HSP90AA1: variants seen among roughly 807,000 people sequenced by gnomAD.
The protein encoded by HSP90AA1 is heat shock protein HSP 90-alpha.
Under a neutral mutation model 73.3 loss-of-function variants are expected in HSP90AA1, and 18 were observed. The ratio of observed to expected loss-of-function variants is 0.25; its 90% CI spans 0.17 to 0.36. The LOEUF is 0.36. Ranked by LOEUF, HSP90AA1 falls within the 10% of genes least tolerant of loss-of-function variation. HSP90AA1 has a pLI of 1.00. For missense variants in HSP90AA1, 704 were observed against 874.2 expected (o/e 0.81, Z 2.45); for synonymous variants, 477 against 296.9 (o/e 1.61, Z -6.24).
chr14:102,134,682 G>A (rs1302510511), intron 1 of HSP90AA1, among the ~76,000 whole-genome samples: 1 of 152,140 alleles, frequency 6.6e-6, no homozygotes, highest in Non-Finnish European at 1.5e-5. Flanking sequence ...TGGGCTCGTG[G>A]TCTTGCTGGC....
At chr14:102,118,751 A>T (rs2049738583) in intron 1 of HSP90AA1, among the ~76,000 whole-genome samples, 1 of 151,142 alleles carries the variant, frequency 6.6e-6, no homozygotes, top group Non-Finnish European at 1.5e-5. Flanking sequence ...CAACAACTAC[A>T]TGTTTTGTTA....
rs904515470 is a variant in HSP90AA1, at chr14:102,082,059, C to T, written c.2089+52G>A. The T allele has an allele frequency of 1.2e-5, 15 of 1,242,278 alleles. No individual in the cohort carries two copies. In the Admixed American group the frequency reaches 2.4e-4, roughly 20 times the overall value. The allele number at this position is 1,242,278 out of a possible 1,614,324, so 77.0% of individuals were successfully genotyped here. A position where few individuals can be genotyped will look rare whatever the true frequency, so the allele number is the denominator to read the frequency against. ...ATAACTGAAAGTTCACCATTTTCTT[C>T]AATGTCACGTGTGTTTATTTTCTTT... is the stretch of plus-strand genomic sequence containing the variant. On this transcript the variant is annotated intron_variant, in intron 10 of 10. Coordinates refer to ENST00000216281, the MANE Select transcript of HSP90AA1 (RefSeq NM_005348.4).
intron 9 of HSP90AA1, chr14:102,082,761 C>CAA: frequency 2.0e-6 from 1 of 502,968 alleles, no homozygotes; most frequent in East Asian, 3.8e-5. Context: ...GCTAGGATTA[C>CAA]AGGCCGTGCC....
Position 102,085,442 on chromosome 14 carries a change from A to G in HSP90AA1, c.530-11T>C. On this transcript the variant is annotated splice_polypyrimidine_tract_variant and intron_variant, in intron 3 of 10. Coordinates refer to ENST00000216281, the MANE Select transcript of HSP90AA1 (RefSeq NM_005348.4). ...GACCCATAGGTTCACCTGCAAGAGAAGAAAGAAAAATTGACTTAATACATT... is the reference window on the plus strand; with the variant it reads ...GACCCATAGGTTCACCTGCAAGAGAGGAAAGAAAAATTGACTTAATACATT... 6.5e-7 allele frequency: 1 copy of G among 1,535,108 alleles called. No individual in the cohort carries two copies. The highest frequency in any genetic ancestry group is 8.7e-7 in the Non-Finnish European group (1 of 1,146,204).
intron 1 of HSP90AA1, among the ~76,000 whole-genome samples, chr14:102,105,370 C>A (rs2049553613): frequency 6.6e-6 from 1 of 151,970 alleles, no homozygotes; most frequent in Admixed American, 6.6e-5. Flanking sequence ...ACTTGTATAC[C>A]CTGATGTAAA....
At position 102,080,873 on chromosome 14, in the gene HSP90AA1, G is replaced by C. The variant is rs1191778444; in HGVS notation, c.*839C>G. On this transcript the variant is annotated 3_prime_UTR_variant, in exon 11 of 11. Coordinates refer to ENST00000216281, the MANE Select transcript of HSP90AA1 (RefSeq NM_005348.4). ...CATGTTGTCTGCATTCCTGTTTTCT[G>C]TGCCTACGTGTGCTCCACCCCACAC... 1 of 228,668 alleles carries C rather than the reference G, an allele frequency of 4.4e-6. No homozygotes were observed. The highest frequency in any genetic ancestry group is 8.7e-6 in the Non-Finnish European group (1 of 115,258). 14.2% of individuals were successfully genotyped at this position (228,668 alleles called of 1,614,324 possible). A position where few individuals can be genotyped will look rare whatever the true frequency, so the allele number is the denominator to read the frequency against.
intron 2 of HSP90AA1, among the ~76,000 whole-genome samples, chr14:102,096,330 C>T (rs980657453): frequency 1.3e-5 from 2 of 152,176 alleles, no homozygotes; most frequent in African/African-American, 4.8e-5. Flanking sequence ...CTCGCCCCTC[C>T]CTCCAGCCTC....
At chr14:102,126,243 C>G (rs1420372606) in intron 1 of HSP90AA1, among the ~76,000 whole-genome samples, 1 of 152,066 alleles carries the variant, frequency 6.6e-6, no homozygotes, top group Non-Finnish European at 1.5e-5. Context: ...TATGCAAAAG[C>G]ATGAAAGCAC....
intron 1 of HSP90AA1, among the ~76,000 whole-genome samples, chr14:102,129,844 A>G (rs1417514526): frequency 6.6e-6 from 1 of 152,050 alleles, no homozygotes; most frequent in Non-Finnish European, 1.5e-5. Flanking sequence ...ATTCCATTGT[A>G]TGGATATACC....
At chr14:102,133,700 C>T (rs2049938806) in intron 1 of HSP90AA1, among the ~76,000 whole-genome samples, 1 of 151,970 alleles carries the variant, frequency 6.6e-6, no homozygotes. Flanking sequence ...TCAGGCTGGT[C>T]TCGAACTCCT....
At chr14:102,101,735 G>A (rs1193172738) in intron 2 of HSP90AA1, 5 of 721,524 alleles carry the variant, frequency 6.9e-6, no homozygotes, top group East Asian at 2.7e-5. Context: ...CAATGCAGTG[G>A]ATGGGTAGGC....
At chr14:102,099,755 C>T (rs1258373679) in intron 2 of HSP90AA1, among the ~76,000 whole-genome samples, 4 of 152,204 alleles carry the variant, frequency 2.6e-5, no homozygotes, top group Non-Finnish European at 1.5e-5. Context: ...ATGCTTGCTT[C>T]TGTTTCCCAA....
intron 1 of HSP90AA1, among the ~76,000 whole-genome samples, chr14:102,109,024 G>A (rs1180803386): frequency 2.6e-5 from 4 of 152,194 alleles, no homozygotes; most frequent in African/African-American, 9.6e-5. Flanking sequence ...TACATAAAGT[G>A]CTAAATCCTA....
rs2049160812 is a variant in HSP90AA1, at chr14:102,084,040, T to C, written c.1148-57A>G. On this transcript the variant is annotated intron_variant, in intron 6 of 10. Transcript: ENST00000216281. ...CATTCCAAGGACAAAACTGGTACTATGTAAACTCCCAAAATCAAAGATAAC... is the reference window on the plus strand; with the variant it reads ...CATTCCAAGGACAAAACTGGTACTACGTAAACTCCCAAAATCAAAGATAAC... The C allele has an allele frequency of 7.9e-6, 10 of 1,260,444 alleles. 1 individual carries two copies. The highest frequency in any genetic ancestry group is 1.2e-5 in the South Asian group (1 of 82,688). The allele number at this position is 1,260,444 out of a possible 1,614,324, so 78.1% of individuals were successfully genotyped here.
At chr14:102,128,321 G>A (rs550624620) in intron 1 of HSP90AA1, among the ~76,000 whole-genome samples, 106 of 151,580 alleles carry the variant, frequency 7.0e-4, no homozygotes, top group African/African-American at 2.4e-3. Flanking sequence ...GTGAAACCCC[G>A]TCTCTACCCA....
rs145989749 is a variant in HSP90AA1, at chr14:102,084,047, T to C, written c.1148-64A>G. On this transcript the variant is annotated intron_variant, in intron 6 of 10. Transcript: ENST00000216281. ...AGGACAAAACTGGTACTATGTAAAC[T>C]CCCAAAATCAAAGATAACCTGAAGA... is the stretch of plus-strand genomic sequence containing the variant. 100 of 1,223,436 alleles carry C rather than the reference T, an allele frequency of 8.2e-5. No homozygotes were observed. In the Admixed American group the frequency reaches 1.7e-3, roughly 21 times the overall value. 75.8% of individuals were successfully genotyped at this position (1,223,436 alleles called of 1,614,324 possible).
intron 2 of HSP90AA1, among the ~76,000 whole-genome samples, chr14:102,092,648 G>A (rs2049373826): frequency 6.6e-6 from 1 of 152,160 alleles, no homozygotes; most frequent in East Asian, 1.9e-4. Flanking sequence ...AGGGACCTGA[G>A]GAAACTTTTG....
chr14:102,104,425 C>A (rs2049535879), intron 1 of HSP90AA1, among the ~76,000 whole-genome samples: 1 of 152,044 alleles, frequency 6.6e-6, no homozygotes, highest in Non-Finnish European at 1.5e-5. Flanking sequence ...GTTGGCCAGG[C>A]TGGTCTCAAA....
chr14:102,081,929 A>G, intron 10 of HSP90AA1, 108 bp from the exon 11 acceptor site: 1 of 786,874 alleles, frequency 1.3e-6, no homozygotes, highest in Non-Finnish European at 2.3e-6. Context: ...AGGACATATG[A>G]GTCTCAATTT....
Sources: allele counts gnomAD v4.1 joint callset (sites outside exome capture counted in the v4.1 genomes callset), GRCh38; gene constraint gnomAD v4.1.1; transcripts MANE v1.5; gene names NCBI Gene and HGNC (gene_info 2026-07-23, HGNC 2026-07-21).